FOCAD: variants seen among roughly 807,000 people sequenced by gnomAD.
The protein encoded by FOCAD is focadhesin.
A neutral mutation model predicts 225.6 loss-of-function variants in FOCAD; 198 were observed. The ratio of observed to expected loss-of-function variants is 0.88; its 90% CI spans 0.78 to 0.99. The LOEUF is 0.99. Among genes scored for constraint, FOCAD ranks in the 50% least tolerant of loss-of-function variants. FOCAD has a pLI of 0.00. For missense variants in FOCAD, 2,713 were observed against 2,123.6 expected (o/e 1.28, Z -5.46); for synonymous variants, 897 against 755.0 (o/e 1.19, Z -3.08).
chr9:20,662,362 G>T (rs1378326854), intron 2 of FOCAD, among the ~76,000 whole-genome samples: 1 of 152,124 alleles, frequency 6.6e-6, no homozygotes, highest in African/African-American at 2.4e-5. Context: ...CAGCCTCGGG[G>T]GTAAAGAGCC....
intron 5 of FOCAD, among the ~76,000 whole-genome samples, chr9:20,750,935 G>C (rs1300090666): frequency 1.3e-5 from 2 of 152,146 alleles, no homozygotes; most frequent in East Asian, 3.9e-4. Context: ...TTAAGGTTAG[G>C]GTTTTAATGG....
chr9:20,777,665 A>G (rs1279625664), intron 8 of FOCAD, among the ~76,000 whole-genome samples: 1 of 152,210 alleles, frequency 6.6e-6, no homozygotes, highest in Non-Finnish European at 1.5e-5. Context: ...GACATGATTT[A>G]CTAAAATTTG....
rs79984466 is a variant in FOCAD at position 20,793,866 on chromosome 9, C to G, written c.1455+4258C>G. On this transcript the variant is annotated intron_variant, in intron 11 of 43. Coordinates refer to ENST00000338382, the MANE Select transcript of FOCAD (RefSeq NM_001375567.1). ...TGCTCAAGGGAAAATACGTTGAAGT[C>G]TACCATTGCCAGAACAAAATTTTTC... 8.9e-3 allele frequency among the ~76,000 whole-genome samples: 1,359 copies of G among 152,258 alleles called. 12 individuals are homozygous for G. The highest frequency in any genetic ancestry group is 0.024 in the Middle Eastern group (7 of 294).
intron 26 of FOCAD, among the ~76,000 whole-genome samples, chr9:20,928,376 G>C (rs946088595): frequency 3.9e-5 from 6 of 152,132 alleles, no homozygotes; most frequent in African/African-American, 1.4e-4. Context: ...TAGTACGTTT[G>C]ATTTTTATCC....
intron 15 of FOCAD, among the ~76,000 whole-genome samples, chr9:20,842,115 A>T (rs1826592475): frequency 7.3e-6 from 1 of 136,402 alleles, no homozygotes; most frequent in Non-Finnish European, 1.6e-5. Flanking sequence ...GTCAGAAAAG[A>T]TACTTTACAT....
rs150035073 is a variant in FOCAD at position 20,914,927 on chromosome 9, A to G, written c.2808-1966A>G. Among the ~76,000 whole-genome samples the G allele has an allele frequency of 5.6e-3, 849 of 152,332 alleles. 9 individuals are homozygous for G. Among genetic ancestry groups the G allele is most frequent in the African/African-American group, 0.02 (816 of 41,584 alleles). ...GGAAAAGTAAATTGATTTTGAATCT[A>G]TTTTAAGGCAGATATCATACGTTAT... On this transcript the variant is annotated intron_variant, in intron 23 of 43. Coordinates refer to ENST00000338382, the MANE Select transcript of FOCAD (RefSeq NM_001375567.1).
intron 15 of FOCAD, among the ~76,000 whole-genome samples, chr9:20,835,285 A>G (rs1825887181): frequency 1.3e-5 from 2 of 152,044 alleles, no homozygotes; most frequent in Non-Finnish European, 1.5e-5. Context: ...AATGTAGGTG[A>G]TATTTACTAA....
At chr9:20,980,946 A>C (rs1175035061) in intron 37 of FOCAD, among the ~76,000 whole-genome samples, 1 of 152,184 alleles carries the variant, frequency 6.6e-6, no homozygotes, top group African/African-American at 2.4e-5. Flanking sequence ...TGGTCCCAGC[A>C]TGTCACTTCT....
In FOCAD at chr9:20,780,012, A is replaced by G. The variant is rs376039678; in HGVS notation, c.994+1244A>G. Among the ~76,000 whole-genome samples the G allele has an allele frequency of 7.2e-5, 11 of 152,248 alleles. No individual in the cohort carries two copies. The East Asian group carries it at 1.2e-3, about 16-fold the overall frequency. ...TCTTATAGCAGTGCACATGGGATCT[A>G]CCCAAAGGTATAATTTACCCGTGCT... On this transcript the variant is annotated intron_variant, in intron 9 of 43. Transcript: ENST00000338382.
chr9:20,901,436 C>T (rs572164742), intron 21 of FOCAD, among the ~76,000 whole-genome samples: 126 of 151,828 alleles, frequency 8.3e-4, no homozygotes, highest in African/African-American at 2.8e-3. Context: ...CATTCTAGTT[C>T]GACAATCAAA....
intron 37 of FOCAD, among the ~76,000 whole-genome samples, chr9:20,979,310 C>T (rs1840479833): frequency 6.6e-6 from 1 of 152,108 alleles, no homozygotes; most frequent in South Asian, 2.1e-4. Flanking sequence ...AGTCTCTTGG[C>T]CTTTGTCCCT....
intron 21 of FOCAD, among the ~76,000 whole-genome samples, chr9:20,898,598 G>A (rs780098579): frequency 2.0e-5 from 3 of 151,692 alleles, no homozygotes; most frequent in Non-Finnish European, 4.4e-5. Context: ...ATATCTCTCT[G>A]CTTACATTGT....
intron 41 of FOCAD, among the ~76,000 whole-genome samples, chr9:20,989,184 G>A (rs893182257): frequency 2.0e-5 from 3 of 152,096 alleles, no homozygotes; most frequent in African/African-American, 7.2e-5. Context: ...CATAACCTGG[G>A]ATGTTTTTTG....
chr9:20,925,844 T>C lies in FOCAD; in HGVS notation c.2962-457T>C, dbSNP rs562014822. Among the ~76,000 whole-genome samples the C allele has an allele frequency of 3.6e-4, 55 of 152,338 alleles. 1 individual carries two copies. In the South Asian group the frequency reaches 0.011, roughly 30 times the overall value. On this transcript the variant is annotated intron_variant, in intron 25 of 43. Transcript: ENST00000338382. The stretch of plus-strand genomic sequence containing the variant: ...CAAGATTCTTGAAATGACAACTAAA[T>C]GGTAATAGTCACCAGAAATGCTAGA...
At chr9:20,729,757 T>G (rs1187575259) in intron 4 of FOCAD, among the ~76,000 whole-genome samples, 1 of 152,184 alleles carries the variant, frequency 6.6e-6, no homozygotes, top group African/African-American at 2.4e-5. Context: ...TTTCTCAGCC[T>G]TTCAGCTCTA....
intron 15 of FOCAD, among the ~76,000 whole-genome samples, chr9:20,827,079 T>C (rs550261242): frequency 6.6e-6 from 1 of 152,268 alleles, no homozygotes; most frequent in East Asian, 1.9e-4. Context: ...ATTCATTTAA[T>C]GTATATAATT....
chr9:20,723,749 A>C (rs1825977682), intron 4 of FOCAD, among the ~76,000 whole-genome samples: 1 of 151,168 alleles, frequency 6.6e-6, no homozygotes, highest in South Asian at 2.1e-4. Context: ...ATTTTCAGTG[A>C]AAAAATATAT....
intron 7 of FOCAD, among the ~76,000 whole-genome samples, chr9:20,766,627 C>T (rs1042189888): frequency 6.6e-6 from 1 of 151,904 alleles, no homozygotes; most frequent in Non-Finnish European, 1.5e-5. Context: ...TTCTTTCCTT[C>T]CCGTTTTTCC....
chr9:20,848,727 A>T (rs1358264935), intron 15 of FOCAD, among the ~76,000 whole-genome samples: 1 of 151,968 alleles, frequency 6.6e-6, no homozygotes. Context: ...TTCTTTTGCA[A>T]CTTGTTTTTT....
Sources: gnomAD v4.1 joint callset for allele counts (sites outside exome capture counted in the v4.1 genomes callset) on GRCh38, gnomAD v4.1.1 for gene constraint, MANE v1.5 for transcripts, NCBI Gene and HGNC (gene_info 2026-07-23, HGNC 2026-07-21) for gene names.